Variants in CELF2 observed in about 807,000 individuals in gnomAD.
The protein encoded by CELF2 is CUGBP Elav-like family member 2.
Under a neutral mutation model 62.6 loss-of-function variants are expected in CELF2, and 8 were observed. The observed-to-expected ratio is 0.13, with a 90% CI of 0.07 to 0.23. The LOEUF is 0.23. CELF2 is among the 10% of genes least tolerant of loss of function. The probability of loss-of-function intolerance (pLI) is 1.00; values close to 1 mark genes in which losing one functional copy is unlikely to be tolerated. For synonymous variants in CELF2, 258 were observed against 250.0 expected (o/e 1.03, Z -0.30); for missense variants, 333 against 671.0 (o/e 0.50, Z 5.56).
rs1269338625 is a variant in CELF2, at chr10:11,012,536, T to C, written c.53+7096T>C. Among the ~76,000 whole-genome samples the C allele has an allele frequency of 1.3e-5, 2 of 152,162 alleles. No individual in the cohort carries two copies. Among genetic ancestry groups the C allele is most frequent in the African/African-American group, 4.8e-5 (2 of 41,432 alleles). The stretch of plus-strand genomic sequence containing the variant: ...GCTTACCACATCCATTTCTCTTCCT[T>C]TCACCCCACCTGTTGCTGCCTTCTC... On this transcript the variant is annotated intron_variant, in intron 1 of 12. Transcript: ENST00000416382. This position sits in a 1 kb window ranked among gnomAD's most constrained non-coding sequence, Gnocchi z 5.5.
At chr10:10,662,231 C>T in the CELF2 span, among the ~76,000 whole-genome samples, 1 of 152,176 alleles carries the variant, frequency 6.6e-6, no homozygotes, top group African/African-American at 2.4e-5. Context: ...CTGCATATGT[C>T]CAAGGTAGAA....
chr10:11,054,247 C>G (rs189375369), intron 1 of CELF2, among the ~76,000 whole-genome samples: 1 of 152,280 alleles, frequency 6.6e-6, no homozygotes, highest in East Asian at 1.9e-4. Flanking sequence ...ACAGCCGTGT[C>G]TTTTATTCCA....
chr10:10,517,789 G>A, the CELF2 span, among the ~76,000 whole-genome samples: 1 of 152,228 alleles, frequency 6.6e-6, no homozygotes, highest in Admixed American at 6.5e-5. Flanking sequence ...TTGTCCAAAA[G>A]CAATCCCACT....
At chr10:11,229,183 A>G (rs986854658) in intron 3 of CELF2, among the ~76,000 whole-genome samples, 1 of 152,178 alleles carries the variant, frequency 6.6e-6, no homozygotes, top group Non-Finnish European at 1.5e-5. Context: ...TCAGCAAACC[A>G]TGCCCCCGTG....
chr10:10,937,121 C>CTTTTTTTTTTTTTTTTTTTTTTTTTTT (rs373143426), intron 2 of CELF2, among the ~76,000 whole-genome samples: 12 of 90,538 alleles, frequency 1.3e-4, no homozygotes, highest in Non-Finnish European at 1.6e-4. Context: ...TTTTTCTTTT[C>CTTTTTTTTTTTTTTTTTTTTTTTTTTT]TTTTTTTTTT....
the CELF2 span, among the ~76,000 whole-genome samples, chr10:10,712,161 A>C: frequency 1.0e-4 from 15 of 147,762 alleles, no homozygotes; most frequent in Admixed American, 5.3e-4. Context: ...AAAAAAAAAA[A>C]AAAAAAAAAA....
chr10:10,826,351 A>G (rs774341913), intron 1 of CELF2, among the ~76,000 whole-genome samples: 13 of 152,204 alleles, frequency 8.5e-5, no homozygotes, highest in Non-Finnish European at 1.2e-4. Flanking sequence ...ACCACTGTCC[A>G]TGACTCATGG....
intron 9 of CELF2, among the ~76,000 whole-genome samples, chr10:11,310,900 T>TA (rs1174719125): frequency 6.6e-6 from 1 of 152,070 alleles, no homozygotes; most frequent in Admixed American, 6.5e-5. Flanking sequence ...AGAATACTCA[T>TA]AAATCAATGA....
At chr10:10,739,160 T>C in the CELF2 span, among the ~76,000 whole-genome samples, 1 of 152,208 alleles carries the variant, frequency 6.6e-6, no homozygotes, top group Non-Finnish European at 1.5e-5. Flanking sequence ...AAATGATATA[T>C]GTTTATATGT....
intron 1 of CELF2, among the ~76,000 whole-genome samples, chr10:10,819,795 G>A (rs534479106): frequency 4.1e-4 from 63 of 152,202 alleles, no homozygotes; most frequent in Middle Eastern, 3.4e-3. Flanking sequence ...GATTTTTCAT[G>A]CACCTTCAGT....
chr10:10,652,564 T>A, the CELF2 span, among the ~76,000 whole-genome samples: 1 of 145,484 alleles, frequency 6.9e-6, no homozygotes, highest in Middle Eastern at 3.5e-3. Context: ...TGGGGGCCAA[T>A]ATTCAACATT....
At chr10:10,485,751 T>C in the CELF2 span, among the ~76,000 whole-genome samples, 1 of 152,214 alleles carries the variant, frequency 6.6e-6, no homozygotes, top group African/African-American at 2.4e-5. Context: ...GCAGTGATTG[T>C]CACTGGATTT....
rs748776452 is a variant in CELF2, at chr10:11,178,416, G to A, written c.271+12734G>A. On this transcript the variant is annotated intron_variant, in intron 2 of 12. Coordinates refer to ENST00000633077, the MANE Select transcript of CELF2 (RefSeq NM_001326342.2). This position sits in a 1 kb window ranked among gnomAD's most constrained non-coding sequence, Gnocchi z 4.3. ...ACCAGGCCCACTCCCTGCAAAGGAAGTGCTTCCGAGAGCCAAGGCTTTGCT... is the reference window on the plus strand; with the variant it reads ...ACCAGGCCCACTCCCTGCAAAGGAAATGCTTCCGAGAGCCAAGGCTTTGCT... 6.6e-6 allele frequency among the ~76,000 whole-genome samples: 1 copy of A among 152,260 alleles called. No individual in the cohort carries two copies. Among genetic ancestry groups the A allele is most frequent in the Non-Finnish European group, 1.5e-5 (1 of 68,038 alleles).
At chr10:11,036,856 G>T (rs7092157) in intron 1 of CELF2, among the ~76,000 whole-genome samples, 1 of 151,784 alleles carries the variant, frequency 6.6e-6, no homozygotes, top group East Asian at 1.9e-4. Flanking sequence ...GGTGTATTTG[G>T]CAATTTGTCT....
intron 1 of CELF2, among the ~76,000 whole-genome samples, chr10:10,825,385 A>AT (rs966316860): frequency 3.3e-5 from 5 of 151,582 alleles, no homozygotes; most frequent in African/African-American, 1.2e-4. Context: ...AATTTTTTGT[A>AT]TTTTTTAGTA....
chr10:11,127,923 T>C (rs2058996146), intron 1 of CELF2, among the ~76,000 whole-genome samples: 1 of 152,230 alleles, frequency 6.6e-6, no homozygotes, highest in Admixed American at 6.5e-5. Flanking sequence ...CTGTTGCCAT[T>C]GCTTTTGGTG....
At chr10:11,202,398 C>T (rs959525906) in intron 2 of CELF2, among the ~76,000 whole-genome samples, 1 of 152,140 alleles carries the variant, frequency 6.6e-6, no homozygotes, top group African/African-American at 2.4e-5. Context: ...AAAAGTTGTC[C>T]CCGATGGTTT....
intron 2 of CELF2, among the ~76,000 whole-genome samples, chr10:11,167,565 A>G (rs899272187): frequency 3.3e-5 from 5 of 152,190 alleles, no homozygotes; most frequent in African/African-American, 9.7e-5. Flanking sequence ...GTAAGTACCT[A>G]TGTGTGGCCT....
At chr10:10,611,315 C>A in the CELF2 span, among the ~76,000 whole-genome samples, 1 of 152,134 alleles carries the variant, frequency 6.6e-6, no homozygotes, top group South Asian at 2.1e-4. Context: ...ACTGGGCTTA[C>A]CCTAACTTCC....
Sources: gnomAD v4.1 joint callset for allele counts (sites outside exome capture counted in the v4.1 genomes callset) on GRCh38, gnomAD v4.1.1 for gene constraint, Gnocchi (gnomAD v3.1) non-coding constraint, MANE v1.5 for transcripts, NCBI Gene and HGNC (gene_info 2026-07-23, HGNC 2026-07-21) for gene names.